GSE1: variants seen among roughly 807,000 people sequenced by gnomAD.
GSE1 encodes Gse1 coiled-coil protein, also known as genetic suppressor element 1.
Under a neutral mutation model 112.6 loss-of-function variants are expected in GSE1, and 32 were observed. That is an observed-to-expected ratio of 0.28 (90% CI 0.21 to 0.38). The LOEUF (loss-of-function observed/expected upper bound fraction) is 0.38, where lower values mean the gene tolerates loss of function less well. Ranked by LOEUF, GSE1 falls within the 10% of genes least tolerant of loss-of-function variation. The probability of loss-of-function intolerance (pLI) is 1.00; values close to 1 mark genes in which losing one functional copy is unlikely to be tolerated. For synonymous variants in GSE1, 1,115 were observed against 735.6 expected (o/e 1.52, Z -8.35); for missense variants, 2,348 against 1,699.2 (o/e 1.38, Z -6.71).
chr16:85,619,248 C>T (rs558257819), intron 1 of GSE1, among the ~76,000 whole-genome samples: 12 of 152,332 alleles, frequency 7.9e-5, no homozygotes, highest in African/African-American at 2.9e-4. Flanking sequence ...AACTGTCCCT[C>T]CCCCAGCCCT....
chr16:85,318,277 A>T (rs2046027582), intron 1 of GSE1, among the ~76,000 whole-genome samples: 1 of 151,872 alleles, frequency 6.6e-6, no homozygotes, highest in South Asian at 2.1e-4. Context: ...CTTTTTTTGG[A>T]TGGGGGGATA....
intron 2 of GSE1, among the ~76,000 whole-genome samples, chr16:85,394,223 G>C (rs891310574): frequency 6.6e-6 from 1 of 152,208 alleles, no homozygotes; most frequent in African/African-American, 2.4e-5. Flanking sequence ...CCGGGGGCCG[G>C]GGAGCGAGGT....
At chr16:85,439,316 G>C (rs908405455) in intron 2 of GSE1, among the ~76,000 whole-genome samples, 19 of 152,378 alleles carry the variant, frequency 1.2e-4, no homozygotes, top group African/African-American at 4.6e-4. Context: ...TGGCCAGAGA[G>C]GGGCAGTGGG....
At chr16:85,422,447 C>T (rs991788244) in intron 2 of GSE1, among the ~76,000 whole-genome samples, 1 of 152,076 alleles carries the variant, frequency 6.6e-6, no homozygotes, top group African/African-American at 2.4e-5. Context: ...TGGGAGAAGC[C>T]TGGGGCCCAC....
chr16:85,171,518 G>T lies in GSE1; in HGVS notation c.1994G>T (p.Ser665Ile), dbSNP rs2074358463. 6 of 985,614 alleles carry T rather than the reference G, an allele frequency of 6.1e-6. No individual in the cohort carries two copies. The African/African-American group carries it at 7.0e-5, about 11-fold the overall frequency. The allele number at this position is 985,614 out of a possible 1,614,324, so 61.1% of individuals were successfully genotyped here. Residue 665 changes from serine (S) to isoleucine (I), a missense_variant, in exon 1 of 3, where the codon AGC becomes ATC. Coordinates refer to the GSE1 transcript ENST00000637419. ...CAGTGGCTGCAGCATGAGGCCCGCA[G>T]CTCCCACCACGCTGTCAGCGCCTGG... is the stretch of plus-strand genomic sequence containing the variant.
At chr16:85,215,728 C>G (rs1490857577) in intron 1 of GSE1, among the ~76,000 whole-genome samples, 2 of 152,110 alleles carry the variant, frequency 1.3e-5, no homozygotes, top group Non-Finnish European at 1.5e-5. Flanking sequence ...AGGGAGTGAA[C>G]ACCACTGCTT....
At chr16:85,234,031 C>G (rs185712334) in intron 1 of GSE1, among the ~76,000 whole-genome samples, 2 of 152,246 alleles carry the variant, frequency 1.3e-5, no homozygotes, top group East Asian at 3.9e-4. Flanking sequence ...TTCCAAGGCC[C>G]CCTTGGGAAC....
rs765641293 is a variant in GSE1 at position 85,656,534 on chromosome 16, G to C, written c.1181G>C (p.Arg394Pro). 34 of 1,549,034 alleles carry C rather than the reference G, an allele frequency of 2.2e-5. No individual in the cohort carries two copies. Among genetic ancestry groups the C allele is most frequent in the Non-Finnish European group, 3.0e-5 (34 of 1,146,504 alleles). ...GAGCGCCAGCGGGAGCAGCGGGCCC[G>C]GGAGAAGGAGCTGCTGGCCGCCAAG... The part of the protein sequence containing the change: ...ELERQREQRA[R>P]EKELLAAKAL... Residue 394 changes from arginine to proline, a missense_variant, in exon 7 of 16, where the codon CGG (arginine) becomes CCG (proline). Arg to Pro is a moderately radical substitution (Grantham distance 103). Transcript: ENST00000253458.
At chr16:85,408,489 A>AC (rs2048380287) in intron 2 of GSE1, among the ~76,000 whole-genome samples, 1 of 42,370 alleles carries the variant, frequency 2.4e-5, no homozygotes, top group African/African-American at 1.0e-4. Context: ...CTCTCAGGGC[A>AC]CCTGGATAAT....
At chr16:85,504,294 A>C (rs898764706) in intron 2 of GSE1, among the ~76,000 whole-genome samples, 4 of 152,228 alleles carry the variant, frequency 2.6e-5, no homozygotes, top group Non-Finnish European at 5.9e-5. Flanking sequence ...TATTGTGAGC[A>C]GGTGGGTTTG....
chr16:85,665,312 T>A (rs550847081), intron 12 of GSE1, among the ~76,000 whole-genome samples, 184 bp downstream of exon 12: 1 of 151,514 alleles, frequency 6.6e-6, no homozygotes, highest in African/African-American at 2.5e-5. Flanking sequence ...GGAACGTCAG[T>A]TTGAAGGCGG....
At chr16:85,631,188 C>T (rs2151724751) in intron 1 of GSE1, among the ~76,000 whole-genome samples, 1 of 152,332 alleles carries the variant, frequency 6.6e-6, no homozygotes, top group East Asian at 1.9e-4. Context: ...GACATTCCCT[C>T]CTAAAAACCC....
chr16:85,546,185 AG>A (rs1321867168), intron 2 of GSE1, among the ~76,000 whole-genome samples: 1 of 152,084 alleles, frequency 6.6e-6, no homozygotes, highest in African/African-American at 2.4e-5. Context: ...CCCGGGTTCA[AG>A]CAATTCTAGT....
upstream of GSE1, among the ~76,000 whole-genome samples, chr16:85,610,166 A>C (rs2047902988): frequency 6.6e-6 from 1 of 152,226 alleles, no homozygotes; most frequent in South Asian, 2.1e-4. Context: ...AGGCACCAGC[A>C]TCCTGTTGCC....
At chr16:85,428,050 TATTGGACAGGACCTGCTGC>T (rs1227911314) in intron 2 of GSE1, among the ~76,000 whole-genome samples, 3 of 152,154 alleles carry the variant, frequency 2.0e-5, no homozygotes, top group African/African-American at 7.2e-5. Context: ...GTGGCTGCTG[TATTGGACAGGACCTGCTGC>T]ATTGGACAGG....
chr16:85,440,232 A>C (rs1481430708), intron 2 of GSE1, among the ~76,000 whole-genome samples: 1 of 152,254 alleles, frequency 6.6e-6, no homozygotes, highest in East Asian at 1.9e-4. Context: ...ATCAGGAGAC[A>C]GTCAGCCCTC....
chr16:85,184,929 C>T (rs1014108606), intron 1 of GSE1, among the ~76,000 whole-genome samples: 6 of 152,210 alleles, frequency 3.9e-5, no homozygotes, highest in African/African-American at 1.4e-4. Flanking sequence ...TATTAATTAA[C>T]TTGAAGAGAT....
chr16:85,285,411 G>T (rs1193619776), intron 1 of GSE1: 6 of 152,234 alleles, frequency 3.9e-5, no homozygotes, highest in African/African-American at 1.2e-4. Context: ...GCCAAGCATG[G>T]TGGCTCATGT....
upstream of GSE1, among the ~76,000 whole-genome samples, chr16:85,611,986 C>T (rs1175376339): frequency 2.6e-5 from 4 of 152,100 alleles, no homozygotes; most frequent in Non-Finnish European, 5.9e-5. Flanking sequence ...AAAGTCGAAA[C>T]CCGCACCGCA....
Sources: allele counts gnomAD v4.1 joint callset (sites outside exome capture counted in the v4.1 genomes callset), GRCh38; gene constraint gnomAD v4.1.1; transcripts MANE v1.5; gene names NCBI Gene and HGNC (gene_info 2026-07-23, HGNC 2026-07-21).